Variants in DSCAM observed in about 807,000 individuals in gnomAD.
The protein encoded by DSCAM is cell adhesion molecule DSCAM.
A neutral mutation model predicts 217.7 loss-of-function variants in DSCAM; 47 were observed. The ratio of observed to expected loss-of-function variants is 0.22; its 90% CI spans 0.17 to 0.28. The LOEUF (loss-of-function observed/expected upper bound fraction) is 0.28. Ranked by LOEUF, DSCAM falls within the 10% of genes least tolerant of loss-of-function variation. DSCAM has a pLI of 1.00. For missense variants in DSCAM, 2,080 were observed against 2,618.3 expected (o/e 0.79, Z 4.49); for synonymous variants, 1,056 against 1,015.3 (o/e 1.04, Z -0.76).
intron 20 of DSCAM, among the ~76,000 whole-genome samples, chr21:40,105,797 T>C (rs909887280): frequency 6.6e-6 from 1 of 152,142 alleles, no homozygotes. Flanking sequence ...GTCAAATAAA[T>C]AGGCAAAAAT....
chr21:40,846,565 G>GT, intron 1 of DSCAM, 54 bp downstream of exon 1: 1 of 224,702 alleles, frequency 4.5e-6, no homozygotes, highest in Non-Finnish European at 7.2e-6. Flanking sequence ...CCACCCCCCC[G>GT]CCCCCCCGGT....
intron 15 of DSCAM, among the ~76,000 whole-genome samples, chr21:40,176,290 G>A (rs181746431): frequency 1.1e-3 from 162 of 152,140 alleles, no homozygotes; most frequent in African/African-American, 3.8e-3. Flanking sequence ...TGGGCTCTGG[G>A]GAGTCACTAA....
At chr21:40,643,419 C>T (rs956656219) in intron 3 of DSCAM, among the ~76,000 whole-genome samples, 14 of 152,158 alleles carry the variant, frequency 9.2e-5, no homozygotes, top group Non-Finnish European at 1.8e-4. Flanking sequence ...AATTCAGTTT[C>T]GCGAGCTGCT....
chr21:40,328,826 A>G (rs1485338806), intron 8 of DSCAM, among the ~76,000 whole-genome samples: 4 of 152,208 alleles, frequency 2.6e-5, no homozygotes, highest in African/African-American at 9.6e-5. Flanking sequence ...AAATAGGCAA[A>G]TTGAATGAAT....
chr21:40,097,931 ACT>A (rs1464227922), intron 20 of DSCAM, among the ~76,000 whole-genome samples: 4 of 116,268 alleles, frequency 3.4e-5, no homozygotes, highest in Non-Finnish European at 6.7e-5. Flanking sequence ...ACAGAGTGAG[ACT>A]CTGTCTCAAA....
intron 3 of DSCAM, among the ~76,000 whole-genome samples, chr21:40,480,404 A>C (rs1428785148): frequency 6.6e-6 from 1 of 152,246 alleles, no homozygotes; most frequent in Non-Finnish European, 1.5e-5. Context: ...CAGTGTGAAC[A>C]AATAACAGGT....
intron 3 of DSCAM, among the ~76,000 whole-genome samples, chr21:40,469,294 A>G (rs2075869235): frequency 1.3e-5 from 2 of 152,128 alleles, no homozygotes; most frequent in African/African-American, 4.8e-5. Flanking sequence ...GAAATGATGG[A>G]TGGTATGTCC....
chr21:40,396,440 G>T (rs2075179117), intron 3 of DSCAM, among the ~76,000 whole-genome samples: 1 of 152,138 alleles, frequency 6.6e-6, no homozygotes, highest in Non-Finnish European at 1.5e-5. Flanking sequence ...GAGGCTGTTG[G>T]TTTGTTGTGG....
chr21:40,551,548 G>C (rs2076630061), intron 3 of DSCAM, among the ~76,000 whole-genome samples: 1 of 152,150 alleles, frequency 6.6e-6, no homozygotes, highest in African/African-American at 2.4e-5. Flanking sequence ...CTTCAGGATT[G>C]GGAGGGCCTG....
chr21:40,166,846 T>C (rs988716061), intron 16 of DSCAM, among the ~76,000 whole-genome samples: 4 of 152,158 alleles, frequency 2.6e-5, no homozygotes, highest in African/African-American at 7.2e-5. Context: ...CGGTGGACTG[T>C]CTGCCACCGC....
intron 3 of DSCAM, among the ~76,000 whole-genome samples, chr21:40,407,796 C>A (rs1354052263): frequency 6.6e-6 from 1 of 152,192 alleles, no homozygotes; most frequent in African/African-American, 2.4e-5. Flanking sequence ...CCTCCAGAAC[C>A]CTGCTCTGCT....
At chr21:40,706,008 A>G (rs2090712228) in intron 2 of DSCAM, among the ~76,000 whole-genome samples, 1 of 151,966 alleles carries the variant, frequency 6.6e-6, no homozygotes, top group Non-Finnish European at 1.5e-5. Context: ...GTGAAACCCC[A>G]TCTCTACTGA....
intron 3 of DSCAM, among the ~76,000 whole-genome samples, chr21:40,413,432 G>A (rs1986255932): frequency 6.6e-6 from 1 of 152,176 alleles, no homozygotes; most frequent in African/African-American, 2.4e-5. Flanking sequence ...GCATCAGCAT[G>A]ACCCAGATGC....
intron 3 of DSCAM, among the ~76,000 whole-genome samples, chr21:40,525,323 G>T (rs1288716700): frequency 1.3e-5 from 2 of 152,120 alleles, no homozygotes; most frequent in African/African-American, 2.4e-5. Context: ...GGAGAATGAG[G>T]CATGTCTTCC....
At chr21:40,757,564 G>A (rs1251613234) in intron 1 of DSCAM, among the ~76,000 whole-genome samples, 1 of 152,212 alleles carries the variant, frequency 6.6e-6, no homozygotes, top group Non-Finnish European at 1.5e-5. Flanking sequence ...AAGGGCATGA[G>A]CATTGTGGCT....
At position 40,113,262 on chromosome 21, in the gene DSCAM, G is replaced by A. The variant is rs576248279; in HGVS notation, c.3696+10933C>T. 6.9e-3 allele frequency among the ~76,000 whole-genome samples: 1,057 copies of A among 152,212 alleles called. 12 individuals are homozygous for A. The highest frequency in any genetic ancestry group is 0.011 in the Non-Finnish European group (767 of 67,998). The stretch of plus-strand genomic sequence containing the variant: ...GGGATGCAAGGCTGGTTCAGCATAC[G>A]CAAATCAATAAACGTAATCCAGCAT... On this transcript the variant is annotated intron_variant, in intron 20 of 32. Transcript: ENST00000400454.
chr21:40,548,085 T>C (rs1302825834), intron 3 of DSCAM, among the ~76,000 whole-genome samples: 1 of 152,286 alleles, frequency 6.6e-6, no homozygotes, highest in Admixed American at 6.5e-5. Context: ...TCACTCCCCA[T>C]TGCCTGCACC....
intron 1 of DSCAM, among the ~76,000 whole-genome samples, chr21:40,789,171 T>C (rs544016208): frequency 1.3e-5 from 2 of 151,036 alleles, no homozygotes; most frequent in South Asian, 4.2e-4. Context: ...CAGAGTTTGA[T>C]AACACCAAGA....
chr21:40,825,318 T>TTC (rs2091960167), intron 1 of DSCAM, among the ~76,000 whole-genome samples: 1 of 134,744 alleles, frequency 7.4e-6, no homozygotes, highest in African/African-American at 2.8e-5. Flanking sequence ...TCCTTCCTTT[T>TTC]TTTCTTCCTT....
Sources: gnomAD v4.1 joint callset for allele counts (sites outside exome capture counted in the v4.1 genomes callset) on GRCh38, gnomAD v4.1.1 for gene constraint, MANE v1.5 for transcripts, NCBI Gene and HGNC (gene_info 2026-07-23, HGNC 2026-07-21) for gene names.